PDIA6: variants seen among roughly 807,000 people sequenced by gnomAD.
PDIA6 encodes protein disulfide isomerase family A member 6.
PDIA6 carries 29 observed loss-of-function variants against 58.4 expected under a neutral mutation model. That is an observed-to-expected ratio of 0.50 (90% CI 0.37 to 0.68). PDIA6 has a LOEUF of 0.68. Among genes scored for constraint, PDIA6 ranks in the 30% least tolerant of loss-of-function variants. The probability of loss-of-function intolerance (pLI) is 0.00; values close to 1 mark genes in which losing one functional copy is unlikely to be tolerated. For synonymous variants in PDIA6, 192 were observed against 202.6 expected (o/e 0.95, Z 0.44); for missense variants, 480 against 551.0 (o/e 0.87, Z 1.29).
chr2:10,808,834 CT>C (rs34801366), intron 1 of PDIA6, among the ~76,000 whole-genome samples: 3 of 151,606 alleles, frequency 2.0e-5, no homozygotes, highest in Non-Finnish European at 2.9e-5. Flanking sequence ...CATTATTTTT[CT>C]TTTTTTTTGA....
chr2:10,820,858 T>C (rs975180262), intron 1 of PDIA6: 1 of 702,836 alleles, frequency 1.4e-6, no homozygotes, highest in African/African-American at 1.7e-5. Context: ...CGGAGGTCTC[T>C]TCTCATGGAT....
In PDIA6 at chr2:10,797,274, T is replaced by C; in HGVS notation, c.220-67A>G. On this transcript the variant is annotated intron_variant, in intron 3 of 12. Coordinates refer to ENST00000272227, the MANE Select transcript of PDIA6 (RefSeq NM_005742.4). ...AAGCAGACTCCACAAGAACTCATTA[T>C]CTGCTTCACATAGACTCAGAAAAAG... 7 of 1,511,316 alleles carry C rather than the reference T, an allele frequency of 4.6e-6. No individual in the cohort carries two copies. The South Asian group carries it at 8.5e-5, about 18-fold the overall frequency. 93.6% of individuals were successfully genotyped at this position (1,511,316 alleles called of 1,614,324 possible). A position where few individuals can be genotyped will look rare whatever the true frequency, so the allele number is the denominator to read the frequency against.
chr2:10,809,672 A>AAAAAC (rs1666922302), intron 1 of PDIA6, among the ~76,000 whole-genome samples: 1 of 145,226 alleles, frequency 6.9e-6, no homozygotes, highest in Non-Finnish European at 1.5e-5. Context: ...AAAAAAAAAA[A>AAAAAC]CCCAAAAAAT....
chr2:10,784,957 GCTCT>G lies in PDIA6; in HGVS notation c.1227_1230del (p.Arg409SerfsTer26), dbSNP rs764346627. 6.3e-7 allele frequency: 1 copy of G among 1,589,774 alleles called. No individual in the cohort carries two copies. The highest frequency in any genetic ancestry group is 8.6e-7 in the Non-Finnish European group (1 of 1,166,722). ...ACCTCGCCATCCCTGCCGTCCCAAGGCTCTCTCTCAACGATGGTAGGGAAAGCCC... is the reference window on the plus strand; with the variant it reads ...ACCTCGCCATCCCTGCCGTCCCAAGGCTCTCAACGATGGTAGGGAAAGCCC... On this transcript the variant is annotated frameshift_variant, in exon 12 of 13. Coordinates refer to ENST00000272227, the MANE Select transcript of PDIA6 (RefSeq NM_005742.4). LOFTEE classifies it high-confidence loss of function.
chr2:10,807,404 G>C (rs1666809693), intron 1 of PDIA6, among the ~76,000 whole-genome samples: 1 of 152,118 alleles, frequency 6.6e-6, no homozygotes, highest in Non-Finnish European at 1.5e-5. Context: ...GGGTCTCCCT[G>C]TGTTGCCCAG....
chr2:10,835,650 G>A (rs556529861), upstream of PDIA6, among the ~76,000 whole-genome samples: 53 of 152,320 alleles, frequency 3.5e-4, no homozygotes, highest in African/African-American at 1.2e-3. Context: ...CCCAGCCTGG[G>A]TTTGGATCCA....
chr2:10,821,048 C>T (rs148738016), intron 1 of PDIA6: 117 of 529,928 alleles, frequency 2.2e-4, no homozygotes, highest in African/African-American at 2.0e-3. Flanking sequence ...GAGATGGCCA[C>T]AGAATTTTCA....
intron 12 of PDIA6, 88 bp from the exon 13 acceptor site, chr2:10,784,414 T>A: frequency 1.0e-6 from 1 of 973,136 alleles, no homozygotes; most frequent in Non-Finnish European, 1.6e-6. Flanking sequence ...AGCGACTCTC[T>A]GGAGCTACTC....
At position 10,819,328 on chromosome 2, in the gene PDIA6, G is replaced by A. The variant is rs1482491393; in HGVS notation, c.-21C>T. On this transcript the variant is annotated 5_prime_UTR_variant, in exon 2 of 14. Transcript: ENST00000381611. ...TACATTATGGGACTTTTCCTTGATA[G>A]GGAGTGGGCAGGAGAAGTTGGTGAG... 6 of 1,538,860 alleles carry A rather than the reference G, an allele frequency of 3.9e-6. No individual in the cohort carries two copies. The South Asian group carries it at 6.0e-5, about 15-fold the overall frequency.
intron 1 of PDIA6, among the ~76,000 whole-genome samples, chr2:10,806,622 T>TAAAGACGAAAGAAAGAAAG (rs1553339902): frequency 2.1e-5 from 1 of 48,692 alleles, no homozygotes; most frequent in African/African-American, 4.3e-5. Flanking sequence ...TCCTAAAAAA[T>TAAAGACGAAAGAAAGAAAG]AAAGACAGAA....
In PDIA6 at chr2:10,791,876, T is replaced by C; in HGVS notation, c.503A>G (p.Asp168Gly). The change falls in exon 6 of 13, where the codon GAC (aspartate) becomes GGC (glycine). Residue 168 changes from aspartate to glycine, a missense_variant. Transcript: ENST00000272227. ...SKKDVIELTD[D>G]SFDKNVLDSE... ...GTCCAGAACATTCTTATCAAAGCTG[T>C]CGTCTGTCAGCTCAATCACATCCTT... 1 of 1,613,672 alleles carries C rather than the reference T, an allele frequency of 6.2e-7. No homozygotes were observed. Among genetic ancestry groups the C allele is most frequent in the Non-Finnish European group, 8.5e-7 (1 of 1,179,530 alleles).
intron 5 of PDIA6, 116 bp downstream of exon 5, chr2:10,792,980 C>T (rs1666102573): frequency 1.4e-6 from 1 of 718,344 alleles, no homozygotes; most frequent in South Asian, 1.7e-5. Flanking sequence ...CTCTATTATT[C>T]TTTAATTGAG....
At chr2:10,818,329 A>G (rs1261966948) in intron 2 of PDIA6, among the ~76,000 whole-genome samples, 1 of 148,160 alleles carries the variant, frequency 6.7e-6, no homozygotes, top group African/African-American at 2.5e-5. Context: ...ACACCTGACT[A>G]ATTTCTGTAT....
rs559528366 is a variant in PDIA6 at position 10,802,550 on chromosome 2, C to T, written c.110G>A (p.Arg37Gln). Residue 37 changes from arginine (R) to glutamine (Q), a missense_variant, in exon 2 of 13, where the codon CGA (arginine) becomes CAA (glutamine). Arg to Gln is a conservative substitution (Grantham distance 43). Coordinates refer to ENST00000272227, the MANE Select transcript of PDIA6 (RefSeq NM_005742.4). ...CAAACTATCACTCTGAATAACTTCT[C>T]GGTTGAAATTCGATGGAGTTAATTC... ...VIELTPSNFN[R>Q]EVIQSDSLWL... is the part of the protein sequence containing the mutation. 2.6e-4 allele frequency: 379 copies of T among 1,482,268 alleles called. 1 individual carries two copies. The South Asian group carries it at 3.0e-3, about 12-fold the overall frequency. 91.8% of individuals were successfully genotyped at this position (1,482,268 alleles called of 1,614,324 possible).
rs1666300833 is a variant in PDIA6 at position 10,797,188 on chromosome 2, G to A, written c.239C>T (p.Ala80Val). ...GGAATGATGCTTATCTGCATCAACTGCACCAACTTTGACAACATCCTGTGG... is the reference window on the plus strand; with the variant it reads ...GGAATGATGCTTATCTGCATCAACTACACCAACTTTGACAACATCCTGTGG... ...TALKDVVKVGAVDADKHHSLG... is the reference protein window; with the variant it reads ...TALKDVVKVGVVDADKHHSLG... Residue 80 changes from alanine to valine, a missense_variant, in exon 4 of 13, where the codon GCA (alanine) becomes GTA (valine). Ala to Val is a moderately conservative substitution (Grantham distance 64). Transcript: ENST00000272227. 2 of 1,608,486 alleles carry A rather than the reference G, an allele frequency of 1.2e-6. No homozygotes were observed. Among genetic ancestry groups the A allele is most frequent in the African/African-American group, 1.3e-5 (1 of 74,684 alleles).
At chr2:10,833,838 G>A (rs996850180), upstream of PDIA6, among the ~76,000 whole-genome samples, 2 of 152,210 alleles carry the variant, frequency 1.3e-5, no homozygotes, top group Non-Finnish European at 2.9e-5. Context: ...GTCTGGAAGT[G>A]GAGCTTGGAG....
chr2:10,834,721 CCCTTCCTTCCCTCCTTCCTTCCTTCCTT>C (rs1194487702), upstream of PDIA6, among the ~76,000 whole-genome samples: 448 of 45,502 alleles, frequency 9.8e-3, 13 homozygotes, highest in Middle Eastern at 0.034. Context: ...CTCCCTCCCT[CCCTTCCTTCCCTCCTTCCTTCCTTCCTT>C]CCTTCCTTCC....
At chr2:10,825,652 A>T (rs1472353122) in intron 1 of PDIA6, among the ~76,000 whole-genome samples, 6 of 152,242 alleles carry the variant, frequency 3.9e-5, no homozygotes, top group Non-Finnish European at 8.8e-5. Context: ...GAACCAATTT[A>T]AAAATGCCCA....
chr2:10,814,513 G>A (rs1315501171), upstream of PDIA6, among the ~76,000 whole-genome samples: 2 of 152,160 alleles, frequency 1.3e-5, no homozygotes, highest in African/African-American at 4.8e-5. Context: ...TCCCTGAAGG[G>A]CGCCTGAGGG....
Sources: gnomAD v4.1 joint callset for allele counts (sites outside exome capture counted in the v4.1 genomes callset) on GRCh38, gnomAD v4.1.1 for gene constraint, MANE v1.5 for transcripts, NCBI Gene and HGNC (gene_info 2026-07-23, HGNC 2026-07-21) for gene names.